The following ACAD10 variants were observed in gnomAD, a reference collection of about 807,000 sequenced individuals.
The protein encoded by ACAD10 is ACAD-10.
ACAD10 carries 112 observed loss-of-function variants against 116.8 expected under a neutral mutation model. The observed-to-expected ratio is 0.96, with a 90% confidence interval of 0.82 to 1.12. The LOEUF (loss-of-function observed/expected upper bound fraction) is 1.12. ACAD10 is among the 50% of genes most tolerant of loss of function. The pLI is 0.00. For synonymous variants in ACAD10, 486 were observed against 510.6 expected, an observed-to-expected ratio of 0.95 and a Z score of 0.65; for missense variants, 1,259 against 1,350.2, an observed-to-expected ratio of 0.93 and a Z score of 1.06.
At chr12:111,723,382 C>T (rs1164893735) in intron 8 of ACAD10, among the ~76,000 whole-genome samples, 11 of 140,672 alleles carry the variant, frequency 7.8e-5, no homozygotes, top group African/African-American at 2.9e-4. Context: ...GACCCCCCCA[C>T]CTCCCTCCCG....
At position 111,744,772 on chromosome 12, in the gene ACAD10, C is replaced by T. The variant is rs748295309; in HGVS notation, c.1844C>T (p.Thr615Ile). 6.2e-7 allele frequency: 1 copy of T among 1,614,220 alleles called. No individual in the cohort carries two copies. The highest frequency in any genetic ancestry group is 1.7e-5 in the Admixed American group (1 of 60,024). The part of the protein sequence containing the change: ...FKEMPFTNPL[T>I]RSYHTWARPQ... The stretch of plus-strand genomic sequence containing the variant: ...GAGATGCCCTTCACAAATCCGTTAA[C>T]AAGGTCCTACCACACGTGGGCCAGG... The change falls in exon 13 of 21, where the codon ACA (threonine) becomes ATA (isoleucine). Residue 615 changes from threonine (T) to isoleucine (I), a missense_variant. By Grantham distance (89) the Thr-to-Ile change is moderately conservative. Transcript: ENST00000313698.
intron 2 of ACAD10, among the ~76,000 whole-genome samples, chr12:111,699,313 A>C (rs1446745322): frequency 2.0e-5 from 3 of 152,248 alleles, no homozygotes; most frequent in Admixed American, 2.0e-4. Flanking sequence ...AAACCTAGTT[A>C]TGCCAACCCC....
At chr12:111,724,811 A>AGAGAGG (rs1306455957) in intron 8 of ACAD10, among the ~76,000 whole-genome samples, 3 of 149,072 alleles carry the variant, frequency 2.0e-5, no homozygotes, top group Non-Finnish European at 4.4e-5. Flanking sequence ...GACCGTGGAA[A>AGAGAGG]GAGAGGGAGA....
intron 12 of ACAD10, among the ~76,000 whole-genome samples, chr12:111,742,697 T>C (rs1179826799): frequency 6.6e-6 from 1 of 152,146 alleles, no homozygotes; most frequent in African/African-American, 2.4e-5. Context: ...CCATCTCTTA[T>C]TTAAAAATAA....
At chr12:111,721,621 A>G in intron 7 of ACAD10, 50 bp from the exon 8 acceptor site, 3 of 1,450,310 alleles carry the variant, frequency 2.1e-6, no homozygotes, top group South Asian at 1.2e-5. Context: ...CTTCAAGAAA[A>G]TCTCATCAAT....
Position 111,747,177 on chromosome 12 carries a change from C to G in ACAD10, c.2385C>G (p.Thr795=). The stretch of plus-strand genomic sequence containing the variant: ...AAGCCCGCTCCTGTTTTGCTATGAC[C>G]GAGCCCCAGGTACGTCGCCTGGGCT... ...EGKARSCFAM[T]EPQVASSDAT... The change falls in exon 15 of 21, where the codon ACC becomes ACG. Residue 795 remains threonine, a synonymous_variant. Transcript: ENST00000313698. The G allele has an allele frequency of 6.2e-7, 1 of 1,610,166 alleles. No homozygotes were observed. Among genetic ancestry groups the G allele is most frequent in the Non-Finnish European group, 8.5e-7 (1 of 1,177,120 alleles).
intron 12 of ACAD10, among the ~76,000 whole-genome samples, chr12:111,739,997 G>A (rs1350157972): frequency 6.6e-6 from 1 of 152,100 alleles, no homozygotes; most frequent in African/African-American, 2.4e-5. Context: ...TTAGAGTTTT[G>A]AAAGAATCCT....
chr12:111,735,459 A>T (rs1419859685), intron 11 of ACAD10, among the ~76,000 whole-genome samples: 3 of 145,312 alleles, frequency 2.1e-5, no homozygotes, highest in East Asian at 2.0e-4. Flanking sequence ...AAATAAGTGA[A>T]TTTTTTTTTT....
In ACAD10 at chr12:111,709,519, C is replaced by T. The variant is rs1209372346; in HGVS notation, c.532-7C>T. On this transcript the variant is annotated splice_polypyrimidine_tract_variant and splice_region_variant and intron_variant, in intron 4 of 20. Transcript: ENST00000313698. Reference sequence around the variant, plus strand: ...ACATTCATCTCTCATTCCTGTCCCTCCATCAGATTGTGGAGTCCTGCATGG... The same window carrying T: ...ACATTCATCTCTCATTCCTGTCCCTTCATCAGATTGTGGAGTCCTGCATGG... 6.4e-7 allele frequency: 1 copy of T among 1,557,146 alleles called. No individual in the cohort carries two copies. Among genetic ancestry groups the T allele is most frequent in the Non-Finnish European group, 8.7e-7 (1 of 1,154,232 alleles).
At chr12:111,687,246 C>T (rs1033979048) in intron 1 of ACAD10, among the ~76,000 whole-genome samples, 3 of 152,122 alleles carry the variant, frequency 2.0e-5, no homozygotes, top group South Asian at 2.1e-4. Context: ...AAGATACATG[C>T]GTATATAGAT....
chr12:111,700,218 C>T, intron 2 of ACAD10, among the ~76,000 whole-genome samples: 1 of 152,016 alleles, frequency 6.6e-6, no homozygotes, highest in Non-Finnish European at 1.5e-5. Context: ...CAGATTTGGC[C>T]CCAAGCCATA....
At chr12:111,737,745 G>A (rs373930196) in intron 12 of ACAD10, among the ~76,000 whole-genome samples, 177 of 151,364 alleles carry the variant, frequency 1.2e-3, no homozygotes, top group African/African-American at 4.1e-3. Context: ...TGTATTTTTC[G>A]GTACTTTGAT....
chr12:111,719,140 A>C (rs1378752088), intron 7 of ACAD10, among the ~76,000 whole-genome samples: 1 of 152,210 alleles, frequency 6.6e-6, no homozygotes, highest in Non-Finnish European at 1.5e-5. Context: ...AGAAAAGAAA[A>C]AAAGAAGTGC....
At chr12:111,739,757 G>GAAAA (rs1276574526) in intron 12 of ACAD10, among the ~76,000 whole-genome samples, 1 of 147,124 alleles carries the variant, frequency 6.8e-6, no homozygotes, top group South Asian at 2.1e-4. Flanking sequence ...GACTGTCTCA[G>GAAAA]AAAAAAAAAA....
intron 2 of ACAD10, among the ~76,000 whole-genome samples, chr12:111,694,552 G>GT (rs775785918): frequency 1.1e-3 from 166 of 152,208 alleles, no homozygotes; most frequent in Non-Finnish European, 1.8e-3. Flanking sequence ...TCACTGGACA[G>GT]AAAGTTTCTT....
intron 8 of ACAD10, among the ~76,000 whole-genome samples, chr12:111,722,262 C>T (rs1386805754): frequency 6.6e-6 from 1 of 152,186 alleles, no homozygotes; most frequent in African/African-American, 2.4e-5. Context: ...CAGGGTTTCG[C>T]CATGTTGGCC....
At chr12:111,747,467 C>G (rs1476875885) in intron 16 of ACAD10, 82 bp downstream of exon 16, 1 of 1,587,690 alleles carries the variant, frequency 6.3e-7, no homozygotes, top group East Asian at 2.3e-5. Flanking sequence ...CTGGGAGGAG[C>G]CTCTGCTTTT....
chr12:111,735,497 C>T (rs1316135222), intron 11 of ACAD10, among the ~76,000 whole-genome samples: 1 of 151,446 alleles, frequency 6.6e-6, no homozygotes, highest in East Asian at 2.0e-4. Flanking sequence ...GCTCTGTTGC[C>T]CAGGCTAGAG....
intron 8 of ACAD10, among the ~76,000 whole-genome samples, chr12:111,725,902 T>G (rs1889200574): frequency 6.6e-6 from 1 of 151,772 alleles, no homozygotes; most frequent in African/African-American, 2.4e-5. Context: ...ATACTGAATA[T>G]CTAACCCATG....
Sources: allele counts gnomAD v4.1 joint callset (sites outside exome capture counted in the v4.1 genomes callset), GRCh38; gene constraint gnomAD v4.1.1; transcripts MANE v1.5; gene names NCBI Gene and HGNC (gene_info 2026-07-23, HGNC 2026-07-21).